Variants in TLN2 observed in about 807,000 individuals in gnomAD.
TLN2 encodes the protein talin-2.
A neutral mutation model predicts 294.7 loss-of-function variants in TLN2; 118 were observed. The ratio of observed to expected loss-of-function variants is 0.40; its 90% confidence interval spans 0.34 to 0.47. TLN2 has a LOEUF of 0.47. Ranked by LOEUF, TLN2 falls within the 20% of genes least tolerant of loss-of-function variation. TLN2 has a pLI of 0.84. For synonymous variants in TLN2, 1,431 were observed against 1,304.5 expected (o/e 1.10, Z -2.09); for missense variants, 3,083 against 3,282.2 (o/e 0.94, Z 1.48).
chr15:62,810,669 G>A (rs550428388), intron 52 of TLN2, among the ~76,000 whole-genome samples: 5 of 152,238 alleles, frequency 3.3e-5, no homozygotes, highest in South Asian at 2.1e-4. Flanking sequence ...CTAAGGAGGC[G>A]TGACTCGCTA....
At chr15:62,634,012 A>G (rs375800050) in intron 3 of TLN2, among the ~76,000 whole-genome samples, 8 of 152,208 alleles carry the variant, frequency 5.3e-5, no homozygotes, top group African/African-American at 1.7e-4. Flanking sequence ...TATAAGGACA[A>G]CGGTCAATTC....
At chr15:62,686,998 C>T (rs2057341681) in intron 12 of TLN2, among the ~76,000 whole-genome samples, 1 of 152,158 alleles carries the variant, frequency 6.6e-6, no homozygotes, top group South Asian at 2.1e-4. Context: ...TGGGTTTCTT[C>T]AGGCACTACT....
chr15:62,429,209 G>GGAGGA (rs1329161540), intron 1 of TLN2, among the ~76,000 whole-genome samples: 1 of 152,046 alleles, frequency 6.6e-6, no homozygotes, highest in African/African-American at 2.4e-5. Flanking sequence ...TCAGGAAGGA[G>GGAGGA]GAGGAGAAGA....
intron 1 of TLN2, among the ~76,000 whole-genome samples, chr15:62,543,307 C>G (rs1596069748): frequency 6.6e-6 from 1 of 152,194 alleles, no homozygotes; most frequent in African/African-American, 2.4e-5. Flanking sequence ...GGTTGGACTT[C>G]ATTAATTCAG....
intron 9 of TLN2, among the ~76,000 whole-genome samples, chr15:62,661,881 T>C (rs1208464240): frequency 6.6e-6 from 1 of 152,134 alleles, no homozygotes; most frequent in Non-Finnish European, 1.5e-5. Flanking sequence ...AAGAAGATTA[T>C]AAAGACAGAA....
intron 2 of TLN2, among the ~76,000 whole-genome samples, chr15:62,604,484 C>T (rs1303934764): frequency 2.1e-5 from 3 of 142,308 alleles, no homozygotes; most frequent in African/African-American, 7.9e-5. Flanking sequence ...ATGATTGAGT[C>T]ACTGCACTCC....
intron 11 of TLN2, among the ~76,000 whole-genome samples, chr15:62,680,616 G>T (rs1203910691): frequency 6.0e-5 from 9 of 150,726 alleles, no homozygotes; most frequent in Non-Finnish European, 1.3e-4. Flanking sequence ...GGGTATAAGC[G>T]TTTTTTTTGT....
chr15:62,742,263 T>C (rs1391444), intron 32 of TLN2, among the ~76,000 whole-genome samples: 149,697 of 152,140 alleles, frequency 0.98, 73,698 homozygotes, highest in Middle Eastern at 1. Context: ...GTGGGAGAGA[T>C]GGGAGGTGGG....
chr15:62,633,745 T>A (rs2050132721), intron 3 of TLN2, among the ~76,000 whole-genome samples: 1 of 152,238 alleles, frequency 6.6e-6, no homozygotes. Context: ...GTATTTAGCC[T>A]GGCTAAATGG....
intron 10 of TLN2, among the ~76,000 whole-genome samples, chr15:62,674,359 G>C (rs1185580591): frequency 6.6e-6 from 1 of 152,062 alleles, no homozygotes; most frequent in East Asian, 1.9e-4. Context: ...AACACTCTAA[G>C]GAATCCAAGA....
At chr15:62,448,154 C>T (rs2035924377) in intron 1 of TLN2, among the ~76,000 whole-genome samples, 1 of 152,200 alleles carries the variant, frequency 6.6e-6, no homozygotes, top group Non-Finnish European at 1.5e-5. Context: ...CTGCATAGTG[C>T]CTCCTTACAT....
intron 1 of TLN2, among the ~76,000 whole-genome samples, chr15:62,573,471 G>A (rs977412655): frequency 7.9e-5 from 12 of 152,088 alleles, no homozygotes; most frequent in African/African-American, 2.4e-4. Flanking sequence ...TGAGCACACA[G>A]GTTCTTCAGG....
rs1056594166 is a variant in TLN2 at position 62,692,872 on chromosome 15, A to G, written c.1146A>G (p.Ser382=). 5.6e-6 allele frequency: 9 copies of G among 1,613,642 alleles called. No individual in the cohort carries two copies. Among genetic ancestry groups the G allele is most frequent in the African/African-American group, 5.3e-5 (4 of 74,878 alleles). Residue 382 remains serine (S), a synonymous_variant, in exon 13 of 59, where the codon TCA becomes TCG. Coordinates refer to ENST00000636159, the MANE Select transcript of TLN2 (RefSeq NM_015059.3). The part of the protein sequence containing the change: ...DFGEYQESYY[S]VQTTEGEQIS... ...GGGAGTATCAGGAAAGCTACTATTC[A>G]GTACAAACCACCGAGGGAGAGCAGA...
In TLN2 at chr15:62,686,808, C is replaced by T. The variant is rs1445904114; in HGVS notation, c.1113+12C>T. The T allele has an allele frequency of 6.2e-7, 1 of 1,612,284 alleles. No homozygotes were observed. The highest frequency in any genetic ancestry group is 8.5e-7 in the Non-Finnish European group (1 of 1,179,728). On this transcript the variant is annotated intron_variant, in intron 12 of 58. Transcript: ENST00000636159. ...AGAGCTTCACACTGGTAGGGACTGG[C>T]AGAGGGCAAGGAGAGCACTAGCGTG...
chr15:62,686,596 T>A lies in TLN2; in HGVS notation c.958-45T>A, dbSNP rs761558540. ...TCACTGATTCCCTGGCAAAGTCAGA[T>A]GTATTCAGAAGAAGAGCACTGACTC... On this transcript the variant is annotated intron_variant, in intron 11 of 58. Coordinates refer to ENST00000636159, the MANE Select transcript of TLN2 (RefSeq NM_015059.3). 3.8e-6 allele frequency: 6 copies of A among 1,576,894 alleles called. No individual in the cohort carries two copies. The East Asian group carries it at 1.4e-4, about 36-fold the overall frequency.
chr15:62,429,133 G>C lies in TLN2; in HGVS notation c.-238+38448G>C, dbSNP rs1241736581. On this transcript the variant is annotated intron_variant, in intron 1 of 58. Coordinates refer to ENST00000636159, the MANE Select transcript of TLN2 (RefSeq NM_015059.3). ...TGGGAACCGGGGTTGGCGGGGGTTG[G>C]GGGGGTAGTGGTGAGCCCTAAGCAA... 1.3e-5 allele frequency among the ~76,000 whole-genome samples: 2 copies of C among 151,670 alleles called. 1 individual carries two copies. Among genetic ancestry groups the C allele is most frequent in the African/African-American group, 4.8e-5 (2 of 41,366 alleles).
chr15:62,692,974 G>A lies in TLN2; in HGVS notation c.1215+33G>A, dbSNP rs767425612. 4 of 1,567,570 alleles carry A rather than the reference G, an allele frequency of 2.6e-6. 1 individual carries two copies. The highest frequency in any genetic ancestry group is 1.8e-5 in the Admixed American group (1 of 54,422). On this transcript the variant is annotated intron_variant, in intron 13 of 58. Transcript: ENST00000636159. ...GTATTGATGCAAATTGGAAAAGCAA[G>A]ACGGCTTTATTAAAAGGCTTGGTTT...
At chr15:62,664,264 A>G (rs1368079682) in intron 9 of TLN2, among the ~76,000 whole-genome samples, 2 of 151,968 alleles carry the variant, frequency 1.3e-5, no homozygotes, top group African/African-American at 2.4e-5. Flanking sequence ...CACCCAGGAT[A>G]GCAGTATATA....
intron 1 of TLN2, among the ~76,000 whole-genome samples, chr15:62,454,181 T>C (rs1188701903): frequency 3.3e-5 from 5 of 152,232 alleles, no homozygotes; most frequent in Non-Finnish European, 5.9e-5. Flanking sequence ...GATTCTGTGA[T>C]GTTTAATGAC....
Sources: gnomAD v4.1 joint callset for allele counts (sites outside exome capture counted in the v4.1 genomes callset) on GRCh38, gnomAD v4.1.1 for gene constraint, MANE v1.5 for transcripts, NCBI Gene and HGNC (gene_info 2026-07-23, HGNC 2026-07-21) for gene names.